The following ABCD3 variants were observed in gnomAD, a reference collection of about 807,000 sequenced individuals.
ABCD3 encodes ATP binding cassette subfamily D member 3.
Under a neutral mutation model 105.5 loss-of-function variants are expected in ABCD3, and 41 were observed. The ratio of observed to expected loss-of-function variants is 0.39; its 90% CI spans 0.30 to 0.50. ABCD3 has a LOEUF of 0.50. Among genes scored for constraint, ABCD3 ranks in the 20% least tolerant of loss-of-function variants. ABCD3 has a pLI of 0.84. For missense variants in ABCD3, 622 were observed against 806.3 expected (o/e 0.77, Z 2.77); for synonymous variants, 258 against 269.0 (o/e 0.96, Z 0.40).
At chr1:94,450,714 TATTTCTGTGTGTGTGTGTCTTTA>T (rs1201171721) in intron 1 of ABCD3, among the ~76,000 whole-genome samples, 1 of 152,312 alleles carries the variant, frequency 6.6e-6, no homozygotes, top group East Asian at 1.9e-4. Flanking sequence ...CCACACTCTA[TATTTCTGTGTGTGTGTGTCTTTA>T]ATTCCTCTAG....
At chr1:94,492,253 A>G (rs950666130) in intron 16 of ABCD3, among the ~76,000 whole-genome samples, 1 of 152,032 alleles carries the variant, frequency 6.6e-6, no homozygotes, top group African/African-American at 2.4e-5. Context: ...TTTTTTTCCT[A>G]CTGCTTTCTT....
At chr1:94,398,428 CA>C in the ABCD3 span, among the ~76,000 whole-genome samples, 1 of 152,182 alleles carries the variant, frequency 6.6e-6, no homozygotes, top group Non-Finnish European at 1.5e-5. Context: ...TTGTCTGAAA[CA>C]TAAGTAGAAT....
chr1:94,402,796 CTCTT>C, the ABCD3 span, among the ~76,000 whole-genome samples: 1 of 152,204 alleles, frequency 6.6e-6, no homozygotes, highest in East Asian at 1.9e-4. Flanking sequence ...AATACTTCCT[CTCTT>C]TTTTTTTCTT....
At chr1:94,506,766 T>C (rs1650374804) in intron 21 of ABCD3, 124 bp downstream of exon 21, 1 of 667,132 alleles carries the variant, frequency 1.5e-6, no homozygotes, top group Non-Finnish European at 2.7e-6. Context: ...AAAGATTTCT[T>C]GTTTTAATAA....
the ABCD3 span, among the ~76,000 whole-genome samples, chr1:94,390,234 C>T: frequency 1.4e-4 from 22 of 152,230 alleles, no homozygotes; most frequent in South Asian, 3.1e-3. Flanking sequence ...GTAGGGGTCA[C>T]GTGGGTAATT....
At chr1:94,386,021 CTGTTTCTTTCTT>C in the ABCD3 span, among the ~76,000 whole-genome samples, 1 of 128,432 alleles carries the variant, frequency 7.8e-6, no homozygotes, top group African/African-American at 3.0e-5. Flanking sequence ...CTTTTAGAAT[CTGTTTCTTTCTT>C]TCTTTCTTTC....
the ABCD3 span, chr1:94,406,356 TTACAGTCCAGTGGGTTGTTGTTGTTG>T: frequency 4.5e-6 from 1 of 223,108 alleles, no homozygotes; most frequent in South Asian, 6.9e-5. Context: ...TTTTTTTTTT[TTACAGTCCAGTGGGTTGTTGTTGTTG>T]TTTTACACTT....
rs752832761 is a variant in ABCD3 at position 94,489,986 on chromosome 1, A to G, written c.1322+11A>G. The G allele has an allele frequency of 6.2e-7, 1 of 1,609,202 alleles. No homozygotes were observed. Among genetic ancestry groups the G allele is most frequent in the Non-Finnish European group, 8.5e-7 (1 of 1,175,834 alleles). On this transcript the variant is annotated intron_variant, in intron 15 of 22. Coordinates refer to ENST00000370214, the MANE Select transcript of ABCD3 (RefSeq NM_002858.4). ...AGATAACATTATAAAGTACGTACAGAAAAAGGTCTTTTAGCACCATAAATG... is the reference window on the plus strand; with the variant it reads ...AGATAACATTATAAAGTACGTACAGGAAAAGGTCTTTTAGCACCATAAATG...
At chr1:94,422,321 G>A (rs768069825) in intron 1 of ABCD3, among the ~76,000 whole-genome samples, 12 of 152,116 alleles carry the variant, frequency 7.9e-5, no homozygotes, top group Non-Finnish European at 1.5e-4. Flanking sequence ...TCATAGGAGC[G>A]TGAACCTGTT....
chr1:94,434,211 C>A (rs925771633), intron 1 of ABCD3, among the ~76,000 whole-genome samples: 1 of 152,178 alleles, frequency 6.6e-6, no homozygotes, highest in African/African-American at 2.4e-5. Flanking sequence ...AAATCACTGT[C>A]TTCCACTTCT....
At chr1:94,475,386 A>G (rs1442754568) in intron 6 of ABCD3, 146 bp downstream of exon 6, 4 of 747,994 alleles carry the variant, frequency 5.3e-6, no homozygotes, top group Non-Finnish European at 8.6e-6. Flanking sequence ...ACAACCTTTC[A>G]GTTATTTGGA....
chr1:94,439,461 A>G (rs512648), intron 1 of ABCD3, among the ~76,000 whole-genome samples: 145,453 of 152,020 alleles, frequency 0.96, 69,982 homozygotes, highest in East Asian at 1. Flanking sequence ...GGCCAACATG[A>G]TGAAACCCTG....
intron 21 of ABCD3, 93 bp from the exon 22 acceptor site, chr1:94,515,053 T>C: frequency 9.9e-7 from 1 of 1,009,800 alleles, no homozygotes; most frequent in Non-Finnish European, 1.6e-6. Context: ...CTTTAGTCAC[T>C]GAAGACTGTC....
At chr1:94,385,313 A>G in the ABCD3 span, among the ~76,000 whole-genome samples, 2 of 152,204 alleles carry the variant, frequency 1.3e-5, no homozygotes, top group Non-Finnish European at 1.5e-5. Flanking sequence ...CTGAGCAAAT[A>G]AAATACACTT....
chr1:94,475,369 G>T, intron 6 of ABCD3, 129 bp downstream of exon 6: 1 of 774,538 alleles, frequency 1.3e-6, no homozygotes, highest in Non-Finnish European at 2.1e-6. Context: ...ACAGAAGCAT[G>T]TTGGGAACAA....
At chr1:94,412,567 CTTACAAAGATGCA>C in the ABCD3 span, among the ~76,000 whole-genome samples, 8 of 152,192 alleles carry the variant, frequency 5.3e-5, no homozygotes, top group African/African-American at 1.7e-4. Flanking sequence ...ATTCTTTGCT[CTTACAAAGATGCA>C]TTATACCTAT....
chr1:94,393,105 C>T, the ABCD3 span, among the ~76,000 whole-genome samples: 6 of 148,330 alleles, frequency 4.0e-5, no homozygotes, highest in African/African-American at 4.9e-5. Flanking sequence ...GACTCCATCT[C>T]AAAAAAATAA....
At chr1:94,512,835 A>C (rs1188154493) in intron 21 of ABCD3, among the ~76,000 whole-genome samples, 1 of 152,102 alleles carries the variant, frequency 6.6e-6, no homozygotes, top group Non-Finnish European at 1.5e-5. Context: ...CTATATAAGT[A>C]AATGAGGTAG....
chr1:94,501,951 C>T (rs1252045436), intron 20 of ABCD3, among the ~76,000 whole-genome samples: 1 of 151,820 alleles, frequency 6.6e-6, no homozygotes, highest in Non-Finnish European at 1.5e-5. Flanking sequence ...ATTAATCCTT[C>T]CCTTTCCTTA....
Sources: gnomAD v4.1 joint callset for allele counts (sites outside exome capture counted in the v4.1 genomes callset) on GRCh38, gnomAD v4.1.1 for gene constraint, MANE v1.5 for transcripts, NCBI Gene and HGNC (gene_info 2026-07-23, HGNC 2026-07-21) for gene names.